Variants in RAB27B observed in about 807,000 individuals in gnomAD.
RAB27B encodes ras-related protein Rab-27B.
In RAB27B, 15 loss-of-function variants were observed where a neutral mutation model predicts 24.6. The ratio of observed to expected loss-of-function variants is 0.61; its 90% confidence interval spans 0.41 to 0.94. The LOEUF (loss-of-function observed/expected upper bound fraction) is 0.94, where lower values mean the gene tolerates loss of function less well. Among genes scored for constraint, RAB27B ranks in the 40% least tolerant of loss-of-function variants. The probability of loss-of-function intolerance (pLI) is 0.00; values close to 1 mark genes in which losing one functional copy is unlikely to be tolerated. For missense variants in RAB27B, 261 were observed against 266.8 expected (o/e 0.98, Z 0.15); for synonymous variants, 105 against 92.5 (o/e 1.14, Z -0.78).
intron 2 of RAB27B, among the ~76,000 whole-genome samples, chr18:54,726,024 G>A (rs1353450105): frequency 6.6e-6 from 1 of 151,592 alleles, no homozygotes; most frequent in Non-Finnish European, 1.5e-5. Context: ...GAGACCTGCA[G>A]ATGTCCTGAA....
At chr18:54,811,686 C>T (rs1909968887) in intron 2 of RAB27B, among the ~76,000 whole-genome samples, 1 of 152,026 alleles carries the variant, frequency 6.6e-6, no homozygotes, top group South Asian at 2.1e-4. Context: ...ATTTACGTTG[C>T]CAGGGTGAAA....
chr18:54,865,865 G>T (rs1278272985), intron 1 of RAB27B, among the ~76,000 whole-genome samples: 1 of 152,164 alleles, frequency 6.6e-6, no homozygotes. Context: ...TATATAAGCA[G>T]GATGCCTTCA....
In RAB27B at chr18:54,828,913, C is replaced by T. The variant is rs183636429; in HGVS notation, c.-20+213C>T. Among the ~76,000 whole-genome samples the T allele has an allele frequency of 7.9e-5, 12 of 152,312 alleles. No homozygotes were observed. In the East Asian group the frequency reaches 1.9e-3, roughly 25 times the overall value. ...CACGGATGGCATGGGCCAACTCGAC[C>T]TGGCTCTCCTTGAGTGTTTGCTTAT... On this transcript the variant is annotated intron_variant, in intron 1 of 5. Coordinates refer to ENST00000262094, the MANE Select transcript of RAB27B (RefSeq NM_004163.4).
intron 2 of RAB27B, among the ~76,000 whole-genome samples, chr18:54,765,761 A>G (rs1387973448): frequency 6.6e-6 from 1 of 152,142 alleles, no homozygotes; most frequent in African/African-American, 2.4e-5. Flanking sequence ...TTAGCTGCCT[A>G]CAGGAAACAT....
chr18:54,804,942 C>T (rs1909740449), intron 2 of RAB27B, among the ~76,000 whole-genome samples: 1 of 120,614 alleles, frequency 8.3e-6, no homozygotes. Flanking sequence ...TTCTTTCTTT[C>T]TTTCTTTCTT....
intron 2 of RAB27B, among the ~76,000 whole-genome samples, chr18:54,730,174 C>A (rs931098698): frequency 6.6e-6 from 1 of 152,176 alleles, no homozygotes; most frequent in Admixed American, 6.5e-5. Context: ...TCTTTTATGA[C>A]GTTTTAGTCT....
chr18:54,723,010 C>A (rs1909409151), intron 2 of RAB27B, among the ~76,000 whole-genome samples: 1 of 152,110 alleles, frequency 6.6e-6, no homozygotes, highest in Admixed American at 6.6e-5. Context: ...AGAAAAGAGG[C>A]ATGGTTGGGG....
chr18:54,887,972 G>A (rs772139699), intron 4 of RAB27B, 23 bp from the exon 5 acceptor site: 2 of 1,605,098 alleles, frequency 1.2e-6, no homozygotes, highest in Non-Finnish European at 1.7e-6. Flanking sequence ...TAACTTGCTG[G>A]TTCCATCTGC....
At chr18:54,739,900 A>G (rs1444369366) in intron 2 of RAB27B, among the ~76,000 whole-genome samples, 1 of 152,182 alleles carries the variant, frequency 6.6e-6, no homozygotes, top group East Asian at 1.9e-4. Flanking sequence ...AGCTTATTAG[A>G]CATTCATATA....
At chr18:54,768,328 G>A (rs1908431674) in intron 2 of RAB27B, among the ~76,000 whole-genome samples, 4 of 152,088 alleles carry the variant, frequency 2.6e-5, no homozygotes. Flanking sequence ...GCAATATGTG[G>A]CAATGGCTGC....
rs117502165 is a variant in RAB27B, at chr18:54,862,491, G to T, written c.-19-15076G>T. ...AATGGGTTTTCTACACTGGAATTGG[G>T]TGCTGAAGGGGTTTACAGAGTCTCG... On this transcript the variant is annotated intron_variant, in intron 1 of 5. Coordinates refer to ENST00000262094, the MANE Select transcript of RAB27B (RefSeq NM_004163.4). Among the ~76,000 whole-genome samples, 126 of 152,312 alleles carry T rather than the reference G, an allele frequency of 8.3e-4. 3 individuals are homozygous for T. The East Asian group carries it at 0.023, about 28-fold the overall frequency.
chr18:54,776,037 A>G (rs1908704813), intron 2 of RAB27B, among the ~76,000 whole-genome samples: 1 of 152,200 alleles, frequency 6.6e-6, no homozygotes, highest in Non-Finnish European at 1.5e-5. Context: ...AATGTGTAGA[A>G]TCTGCAAATT....
At chr18:54,768,424 AC>A (rs771976910) in intron 2 of RAB27B, among the ~76,000 whole-genome samples, 1 of 152,138 alleles carries the variant, frequency 6.6e-6, no homozygotes, top group East Asian at 1.9e-4. Context: ...GTAACTTGCA[AC>A]TTTTTTTCCT....
Position 54,723,522 on chromosome 18 carries a change from A to T in RAB27B, c.-20+5381A>T, listed in dbSNP as rs896468761. Reference sequence around the variant, plus strand: ...AGTTCAGGAGGTCTACTAATCCCACATATAGTATAATCCTGAATATAAGTA... The same window carrying T: ...AGTTCAGGAGGTCTACTAATCCCACTTATAGTATAATCCTGAATATAAGTA... On this transcript the variant is annotated intron_variant, in intron 2 of 4. Coordinates refer to the RAB27B transcript ENST00000586570. Among the ~76,000 whole-genome samples, 4 of 152,346 alleles carry T rather than the reference A, an allele frequency of 2.6e-5. No homozygotes were observed. In the East Asian group the frequency reaches 7.7e-4, roughly 29 times the overall value.
intron 2 of RAB27B, among the ~76,000 whole-genome samples, chr18:54,727,130 T>C (rs993190510): frequency 2.0e-5 from 3 of 152,182 alleles, no homozygotes; most frequent in Non-Finnish European, 4.4e-5. Flanking sequence ...TGTGCCACTA[T>C]GCCCGACTAA....
intron 2 of RAB27B, among the ~76,000 whole-genome samples, chr18:54,797,912 C>A (rs1024451976): frequency 1.1e-4 from 17 of 152,158 alleles, no homozygotes; most frequent in Middle Eastern, 3.2e-3. Flanking sequence ...ACTGGCTGTG[C>A]AATAGAAATA....
chr18:54,838,869 C>G (rs1910997332), intron 1 of RAB27B, among the ~76,000 whole-genome samples: 1 of 152,036 alleles, frequency 6.6e-6, no homozygotes, highest in African/African-American at 2.4e-5. Context: ...TATGTTATCT[C>G]CATCTGTAAA....
chr18:54,857,563 A>G (rs1375724860), intron 1 of RAB27B, among the ~76,000 whole-genome samples: 1 of 152,244 alleles, frequency 6.6e-6, no homozygotes, highest in African/African-American at 2.4e-5. Flanking sequence ...AAATAGGCAT[A>G]TCTTCTGACA....
intron 2 of RAB27B, among the ~76,000 whole-genome samples, chr18:54,820,402 G>C (rs1456232752): frequency 6.6e-6 from 1 of 152,154 alleles, no homozygotes; most frequent in Non-Finnish European, 1.5e-5. Flanking sequence ...GTGCCTTTTG[G>C]CTGCATAAAT....
Sources: allele counts gnomAD v4.1 joint callset (sites outside exome capture counted in the v4.1 genomes callset), GRCh38; gene constraint gnomAD v4.1.1; transcripts MANE v1.5; gene names NCBI Gene and HGNC (gene_info 2026-07-23, HGNC 2026-07-21).